UNC13A: variants seen among roughly 807,000 people sequenced by gnomAD.
UNC13A encodes protein unc-13 homolog A.
UNC13A carries 61 observed loss-of-function variants against 219.7 expected under a neutral mutation model. That is an observed-to-expected ratio of 0.28 (90% CI 0.23 to 0.34). The LOEUF (loss-of-function observed/expected upper bound fraction) is 0.34. Among genes scored for constraint, UNC13A ranks in the 10% least tolerant of loss-of-function variants. The pLI, the probability that UNC13A is intolerant of heterozygous loss-of-function variation, is 1.00. For synonymous variants in UNC13A, 920 were observed against 884.6 expected (o/e 1.04, Z -0.71); for missense variants, 1,476 against 2,270.3 (o/e 0.65, Z 7.11).
chr19:17,685,876 A>T (rs554730375), intron 1 of UNC13A, among the ~76,000 whole-genome samples: 1 of 152,046 alleles, frequency 6.6e-6, no homozygotes, highest in African/African-American at 2.4e-5. Flanking sequence ...ACGGCAACCC[A>T]TCTCAGCCTA....
chr19:17,636,240 T>A, intron 25 of UNC13A, 83 bp from the exon 26 acceptor site: 1 of 1,436,792 alleles, frequency 7.0e-7, no homozygotes, highest in African/African-American at 1.4e-5. Context: ...AACAAGAGGT[T>A]TTAGAGGAAT....
intron 16 of UNC13A, 54 bp downstream of exon 16, chr19:17,648,377 G>GC: frequency 8.8e-7 from 1 of 1,138,386 alleles, no homozygotes; most frequent in East Asian, 7.8e-5. Context: ...CGCCATGCAA[G>GC]CCCCGGGGCT....
chr19:17,653,157 G>A (rs1456569248), intron 11 of UNC13A, among the ~76,000 whole-genome samples: 1 of 151,968 alleles, frequency 6.6e-6, no homozygotes, highest in Non-Finnish European at 1.5e-5. Context: ...AACACAGGCA[G>A]CACTCTTCTG....
At chr19:17,662,151 G>A (rs1361198015) in intron 8 of UNC13A, among the ~76,000 whole-genome samples, 2 of 151,940 alleles carry the variant, frequency 1.3e-5, no homozygotes, top group South Asian at 2.1e-4. Flanking sequence ...GCTCAGGTAC[G>A]AGAATCACTT....
At chr19:17,669,313 C>T (rs887740071) in intron 5 of UNC13A, among the ~76,000 whole-genome samples, 1 of 152,178 alleles carries the variant, frequency 6.6e-6, no homozygotes, top group Non-Finnish European at 1.5e-5. Context: ...CGCCCTCGGT[C>T]GTGAAGCACT....
chr19:17,626,121 C>A (rs1333176544), intron 34 of UNC13A, among the ~76,000 whole-genome samples: 1 of 151,670 alleles, frequency 6.6e-6, no homozygotes, highest in Non-Finnish European at 1.5e-5. Flanking sequence ...ATTCATCCAT[C>A]CAAATATTTA....
At chr19:17,659,513 A>T (rs1206324721) in intron 8 of UNC13A, among the ~76,000 whole-genome samples, 1 of 152,126 alleles carries the variant, frequency 6.6e-6, no homozygotes, top group Non-Finnish European at 1.5e-5. Context: ...CATGCCTGTA[A>T]TCCCAGCACT....
intron 34 of UNC13A, among the ~76,000 whole-genome samples, 165 bp from the exon 35 acceptor site, chr19:17,625,117 G>A (rs2076769177): frequency 6.6e-6 from 1 of 152,202 alleles, no homozygotes; most frequent in Non-Finnish European, 1.5e-5. Context: ...GATGCATGAA[G>A]AGAAGAGTGA....
chr19:17,613,702 C>CTTTTTTTTTTTTTTTTT (rs1157023997), intron 41 of UNC13A: 6 of 124,248 alleles, frequency 4.8e-5, no homozygotes, highest in Non-Finnish European at 8.3e-5. Flanking sequence ...TCTTAAGTTT[C>CTTTTTTTTTTTTTTTTT]TTTTTTTTTT....
At position 17,649,266 on chromosome 19, in the gene UNC13A, G is replaced by C. The variant is rs1179512191; in HGVS notation, c.1524+73C>G. 4 of 1,539,746 alleles carry C rather than the reference G, an allele frequency of 2.6e-6. No individual in the cohort carries two copies. The African/African-American group carries it at 5.5e-5, about 21-fold the overall frequency. ...AGGTTCCCCCATAATCCATGAATTG[G>C]GGGCCTGTTAGAAGATCCCAGTGGG... On this transcript the variant is annotated intron_variant, in intron 14 of 43. Coordinates refer to ENST00000519716, the MANE Select transcript of UNC13A (RefSeq NM_001080421.3). This position sits in a 1 kb window ranked among gnomAD's most constrained non-coding sequence, Gnocchi z 4.4.
intron 8 of UNC13A, among the ~76,000 whole-genome samples, chr19:17,663,265 T>C (rs2079583790): frequency 6.6e-6 from 1 of 151,722 alleles, no homozygotes; most frequent in Non-Finnish European, 1.5e-5. Context: ...AGGTTGTTGG[T>C]CTAAATGTCC....
At chr19:17,642,032 A>ACATCCATCCATC (rs56041637) in intron 20 of UNC13A, among the ~76,000 whole-genome samples, 4,065 of 150,342 alleles carry the variant, frequency 0.027, 177 homozygotes, top group African/African-American at 0.09. Context: ...ATCTGCCTAT[A>ACATCCATCCATC]CATCCATCCA....
At chr19:17,685,857 T>C (rs889038115) in intron 1 of UNC13A, among the ~76,000 whole-genome samples, 3 of 151,904 alleles carry the variant, frequency 2.0e-5, no homozygotes, top group Non-Finnish European at 4.4e-5. Context: ...TCAGCTGAGC[T>C]CAGGCAACAC....
chr19:17,619,137 C>G, intron 38 of UNC13A, 175 bp from the exon 39 acceptor site: 1 of 627,040 alleles, frequency 1.6e-6, no homozygotes, highest in Non-Finnish European at 2.8e-6. Flanking sequence ...GACCTTGTCC[C>G]TGAAAATCCC....
At chr19:17,683,641 G>A (rs868783396) in intron 1 of UNC13A, among the ~76,000 whole-genome samples, 5 of 151,950 alleles carry the variant, frequency 3.3e-5, no homozygotes, top group Middle Eastern at 3.2e-3. Flanking sequence ...CCGGGTGACA[G>A]AGTGAGACCG....
At chr19:17,645,373 C>A (rs1009674982) in intron 19 of UNC13A, among the ~76,000 whole-genome samples, 1 of 152,096 alleles carries the variant, frequency 6.6e-6, no homozygotes, top group Non-Finnish European at 1.5e-5. Context: ...CTGTCTCTCC[C>A]CTCAGACTAG....
At chr19:17,636,290 A>G in intron 25 of UNC13A, 133 bp from the exon 26 acceptor site, 6 of 1,128,182 alleles carry the variant, frequency 5.3e-6, no homozygotes, top group Middle Eastern at 3.1e-4. Context: ...TAAGAAATCT[A>G]TATAGAGAGG....
At chr19:17,623,000 T>G in intron 36 of UNC13A, 1 of 152,678 alleles carries the variant, frequency 6.5e-6, no homozygotes, top group Non-Finnish European at 1.5e-5. Flanking sequence ...ATGTCTGGGA[T>G]TGGTGTGTGT....
intron 29 of UNC13A, among the ~76,000 whole-genome samples, 160 bp from the exon 30 acceptor site, chr19:17,630,448 G>A (rs542386587): frequency 3.3e-4 from 51 of 152,290 alleles, no homozygotes; most frequent in African/African-American, 1.1e-3. Context: ...AGAGGTGGAC[G>A]CAGAAGCCAT....
Sources: gnomAD v4.1 joint callset for allele counts (sites outside exome capture counted in the v4.1 genomes callset) on GRCh38, gnomAD v4.1.1 for gene constraint, Gnocchi (gnomAD v3.1) non-coding constraint, MANE v1.5 for transcripts, NCBI Gene and HGNC (gene_info 2026-07-23, HGNC 2026-07-21) for gene names.